Variants in GARNL3 observed in about 807,000 individuals in gnomAD.
The protein encoded by GARNL3 is GTPase activating Rap/RanGAP domain like 3.
A neutral mutation model predicts 125.0 loss-of-function variants in GARNL3; 63 were observed. That is an observed-to-expected ratio of 0.50 (90% CI 0.41 to 0.62). GARNL3 has a LOEUF of 0.62. Among genes scored for constraint, GARNL3 ranks in the 20% least tolerant of loss-of-function variants. The probability of loss-of-function intolerance (pLI) is 0.00; values close to 1 mark genes in which losing one functional copy is unlikely to be tolerated. For missense variants in GARNL3, 994 were observed against 1,244.0 expected (o/e 0.80, Z 3.02); for synonymous variants, 439 against 457.5 (o/e 0.96, Z 0.52).
intron 17 of GARNL3, 39 bp downstream of exon 17, chr9:127,349,074 T>G (rs745759640): frequency 1.5e-6 from 2 of 1,356,214 alleles, no homozygotes; most frequent in Non-Finnish European, 2.1e-6. Context: ...CTTTTTCATG[T>G]AACTTGTAGT....
At chr9:127,326,741 G>A (rs2065585741) in intron 7 of GARNL3, among the ~76,000 whole-genome samples, 1 of 152,094 alleles carries the variant, frequency 6.6e-6, no homozygotes, top group Non-Finnish European at 1.5e-5. Context: ...GTGGGGCCTT[G>A]GGAAGTAATT....
intron 5 of GARNL3, 120 bp downstream of exon 5, chr9:127,318,247 G>A: frequency 1.3e-6 from 1 of 743,980 alleles, no homozygotes; most frequent in South Asian, 1.5e-5. Flanking sequence ...TGTGTAAGAT[G>A]TTTTGCTAAG....
At chr9:127,373,874 T>C (rs1215907240) in intron 22 of GARNL3, among the ~76,000 whole-genome samples, 1 of 152,066 alleles carries the variant, frequency 6.6e-6, no homozygotes, top group African/African-American at 2.4e-5. Flanking sequence ...GGCATGGTAG[T>C]GCACACCTGC....
chr9:127,308,641 A>G (rs2065018391), intron 2 of GARNL3, among the ~76,000 whole-genome samples: 1 of 152,210 alleles, frequency 6.6e-6, no homozygotes, highest in African/African-American at 2.4e-5. Flanking sequence ...AAAGAAACAC[A>G]ATGAAATGAT....
At position 127,280,825 on chromosome 9, in the gene GARNL3, C is replaced by T. The variant is rs2064082863; in HGVS notation, c.145-10343C>T. On this transcript the variant is annotated intron_variant, in intron 1 of 27. Coordinates refer to ENST00000373387, the MANE Select transcript of GARNL3 (RefSeq NM_032293.5). The surrounding 1 kb of genome is among the most constrained non-coding windows in gnomAD (Gnocchi z 4.5). Reference sequence around the variant, plus strand: ...TTATCCTGAATTGCCTCATGTTTCTCAGTAAAATAGCAGAAAGGTCATCTG... The same window carrying T: ...TTATCCTGAATTGCCTCATGTTTCTTAGTAAAATAGCAGAAAGGTCATCTG... Among the ~76,000 whole-genome samples, 2 of 152,116 alleles carry T rather than the reference C, an allele frequency of 1.3e-5. No homozygotes were observed. Among genetic ancestry groups the T allele is most frequent in the African/African-American group, 4.8e-5 (2 of 41,404 alleles).
intron 14 of GARNL3, among the ~76,000 whole-genome samples, 180 bp from the exon 15 acceptor site, chr9:127,344,055 T>C (rs1830008074): frequency 6.6e-6 from 1 of 152,156 alleles, no homozygotes; most frequent in South Asian, 2.1e-4. Flanking sequence ...CTAGTGACTC[T>C]GAATCTAGTA....
intron 10 of GARNL3, among the ~76,000 whole-genome samples, 191 bp from the exon 11 acceptor site, chr9:127,335,937 A>G (rs964429853): frequency 2.0e-5 from 3 of 152,120 alleles, no homozygotes; most frequent in African/African-American, 7.2e-5. Context: ...CTGAGACAGG[A>G]GCAGAGGAGA....
chr9:127,338,286 C>G (rs760780197), intron 12 of GARNL3, 125 bp downstream of exon 12: 18 of 776,498 alleles, frequency 2.3e-5, no homozygotes, highest in Non-Finnish European at 4.0e-5. Flanking sequence ...CTGCACCTTA[C>G]AAAACTTTCT....
At chr9:127,328,196 T>C (rs575916119) in intron 7 of GARNL3, among the ~76,000 whole-genome samples, 2 of 152,324 alleles carry the variant, frequency 1.3e-5, no homozygotes, top group African/African-American at 4.8e-5. Context: ...TGCTGATCTC[T>C]TTATTTTTCA....
At chr9:127,366,406 A>G (rs570720487) in intron 22 of GARNL3, among the ~76,000 whole-genome samples, 3 of 152,306 alleles carry the variant, frequency 2.0e-5, no homozygotes, top group East Asian at 3.9e-4. Flanking sequence ...GAAGGGCCCC[A>G]TCAAGGCAGC....
At chr9:127,260,749 C>T (rs796433679), upstream of GARNL3, among the ~76,000 whole-genome samples, 4 of 152,282 alleles carry the variant, frequency 2.6e-5, no homozygotes, top group South Asian at 8.3e-4. Flanking sequence ...AGTTTGCCAA[C>T]CCCTGATCTA....
intron 2 of GARNL3, among the ~76,000 whole-genome samples, chr9:127,292,627 A>G (rs1046856597): frequency 2.0e-5 from 3 of 152,082 alleles, no homozygotes; most frequent in Non-Finnish European, 4.4e-5. Flanking sequence ...CGTAAGCACA[A>G]CTCTGGCCCC....
At chr9:127,373,087 TA>T (rs1295032478) in intron 22 of GARNL3, among the ~76,000 whole-genome samples, 2 of 152,234 alleles carry the variant, frequency 1.3e-5, no homozygotes, top group Non-Finnish European at 2.9e-5. Flanking sequence ...CAAAACTTCC[TA>T]CTTTCTTAGA....
intron 1 of GARNL3, among the ~76,000 whole-genome samples, chr9:127,271,425 A>C (rs2063821672): frequency 6.7e-6 from 1 of 150,340 alleles, no homozygotes; most frequent in South Asian, 2.1e-4. Flanking sequence ...ATCAAAAATA[A>C]ATAAAGGAAA....
At chr9:127,265,789 G>T (rs1317580432) in intron 1 of GARNL3, among the ~76,000 whole-genome samples, 1 of 152,094 alleles carries the variant, frequency 6.6e-6, no homozygotes. Context: ...TGAGTTGCTT[G>T]TATCTATTTG....
At position 127,380,072 on chromosome 9, in the gene GARNL3, G is replaced by A. The variant is rs530675673; in HGVS notation, c.2162-3366G>A. On this transcript the variant is annotated intron_variant, in intron 22 of 27. Transcript: ENST00000373387. The stretch of plus-strand genomic sequence containing the variant: ...GGGCACGCCTTAGTCCCAGCTACTC[G>A]GGAGGCTGAGGCAGGAGAATTGCTT... Among the ~76,000 whole-genome samples, 7 of 152,202 alleles carry A rather than the reference G, an allele frequency of 4.6e-5. No individual in the cohort carries two copies. The East Asian group carries it at 7.7e-4, about 17-fold the overall frequency.
Position 127,355,443 on chromosome 9 carries a change from T to A in GARNL3, c.1906T>A (p.Ser636Thr). The A allele has an allele frequency of 6.2e-7, 1 of 1,614,226 alleles. No homozygotes were observed. The highest frequency in any genetic ancestry group is 1.7e-5 in the Admixed American group (1 of 60,030). The change falls in exon 20 of 28, where the codon TCA becomes ACA. Residue 636 changes from serine to threonine, a missense_variant. Coordinates refer to ENST00000373387, the MANE Select transcript of GARNL3 (RefSeq NM_032293.5). ...STSLLSPLSE[S>T]PVEEFQYIRE... is the part of the protein sequence containing the mutation. ...CTCATTGTTATCTCCCCTGTCTGAGTCACCTGTTGAAGAATTCCAGTACAT... is the reference window on the plus strand; with the variant it reads ...CTCATTGTTATCTCCCCTGTCTGAGACACCTGTTGAAGAATTCCAGTACAT...
chr9:127,239,655 T>C (rs1189878893), intron 1 of GARNL3, among the ~76,000 whole-genome samples: 1 of 152,238 alleles, frequency 6.6e-6, no homozygotes, highest in Admixed American at 6.5e-5. Flanking sequence ...AACTGCTATA[T>C]ATTTTAAATA....
chr9:127,296,730 C>T (rs989953464), intron 2 of GARNL3, among the ~76,000 whole-genome samples: 2 of 152,178 alleles, frequency 1.3e-5, no homozygotes, highest in South Asian at 4.1e-4. Flanking sequence ...CTCGGCCTCC[C>T]AAAGTGCTGG....
Sources: allele counts gnomAD v4.1 joint callset (sites outside exome capture counted in the v4.1 genomes callset), GRCh38; gene constraint gnomAD v4.1.1; non-coding constraint Gnocchi (gnomAD v3.1); transcripts MANE v1.5; gene names NCBI Gene and HGNC (gene_info 2026-07-23, HGNC 2026-07-21).